Variants in CYFIP2 observed in about 807,000 individuals in gnomAD.
The protein encoded by CYFIP2 is cytoplasmic FMR1 interacting protein 2.
Under a neutral mutation model 158.7 loss-of-function variants are expected in CYFIP2, and 29 were observed. The ratio of observed to expected loss-of-function variants is 0.18; its 90% CI spans 0.14 to 0.25. The LOEUF (loss-of-function observed/expected upper bound fraction) is 0.25. Among genes scored for constraint, CYFIP2 ranks in the 10% least tolerant of loss-of-function variants. CYFIP2 has a pLI of 1.00. For synonymous variants in CYFIP2, 585 were observed against 617.6 expected (o/e 0.95, Z 0.78); for missense variants, 852 against 1,639.5 (o/e 0.52, Z 8.29).
In CYFIP2 at chr5:157,377,427, G is replaced by A. The variant is rs116920077; in HGVS notation, c.3040-5163G>A. On this transcript the variant is annotated intron_variant, in intron 26 of 30. Transcript: ENST00000620254. ...ACACTCACCCCTGGTTCAACTTAGCGTCCTTCTTCAGAAAGTCTTCCCTAT... is the reference window on the plus strand; with the variant it reads ...ACACTCACCCCTGGTTCAACTTAGCATCCTTCTTCAGAAAGTCTTCCCTAT... Among the ~76,000 whole-genome samples the A allele has an allele frequency of 4.9e-4, 74 of 152,092 alleles. No homozygotes were observed. The East Asian group carries it at 0.013, about 27-fold the overall frequency.
chr5:157,270,092 G>A (rs192192616), intron 1 of CYFIP2, among the ~76,000 whole-genome samples: 50 of 152,338 alleles, frequency 3.3e-4, no homozygotes, highest in Admixed American at 2.9e-3. Context: ...TAGACTTTGG[G>A]CAACTCAGAT....
rs1767514276 is a variant in CYFIP2, at chr5:157,393,521, C to CA, written c.*522dup. ...CAGTGCCCCGGGTGTCATCTTCTCC[C>CA]ACTCTGGGTACCAGGGATTCTACCA... On this transcript the variant is annotated 3_prime_UTR_variant, in exon 31 of 31. Coordinates refer to ENST00000620254, the MANE Select transcript of CYFIP2 (RefSeq NM_001037333.3). 2 of 152,724 alleles carry CA rather than the reference C, an allele frequency of 1.3e-5. No individual in the cohort carries two copies. Among genetic ancestry groups the CA allele is most frequent in the African/African-American group, 2.4e-5 (1 of 41,464 alleles). 9.5% of individuals were successfully genotyped at this position (152,724 alleles called of 1,614,324 possible).
intron 13 of CYFIP2, among the ~76,000 whole-genome samples, chr5:157,316,317 CAT>C (rs1760143402): frequency 6.6e-6 from 1 of 151,856 alleles, no homozygotes; most frequent in Non-Finnish European, 1.5e-5. Flanking sequence ...CGTATATCAA[CAT>C]ATAAAAAATA....
intron 17 of CYFIP2, 72 bp from the exon 18 acceptor site, chr5:157,326,099 C>A: frequency 8.7e-7 from 1 of 1,146,808 alleles, no homozygotes; most frequent in Non-Finnish European, 1.3e-6. Context: ...TTCTATTTCC[C>A]AAGCAAGTAT....
intron 8 of CYFIP2, among the ~76,000 whole-genome samples, chr5:157,305,979 TTAGCCATTA>T (rs1170050872): frequency 6.6e-6 from 1 of 152,244 alleles, no homozygotes; most frequent in Non-Finnish European, 1.5e-5. Flanking sequence ...TAAGCCTTCC[TTAGCCATTA>T]TTCCATTGTT....
intron 23 of CYFIP2, chr5:157,343,642 C>T: frequency 1.1e-6 from 1 of 943,416 alleles, no homozygotes; most frequent in African/African-American, 1.7e-5. Context: ...GACGGGCACT[C>T]ATGTTGCCCT....
intron 1 of CYFIP2, among the ~76,000 whole-genome samples, chr5:157,283,548 C>T (rs189763622): frequency 2.0e-5 from 3 of 152,114 alleles, no homozygotes; most frequent in African/African-American, 7.2e-5. Context: ...GTGGAGAGGA[C>T]CTGAAACCAC....
In CYFIP2 at chr5:157,266,141, G is replaced by A. The variant is rs1298113557; in HGVS notation, c.-78G>A. On this transcript the variant is annotated 5_prime_UTR_variant, in exon 1 of 31. Transcript: ENST00000620254. This position sits in a 1 kb window ranked among gnomAD's most constrained non-coding sequence, Gnocchi z 4.2. ...GCGGGGCAGAGCATCCTGCGCCCCG[G>A]CGCGGGGCCCTGCGGTAGCCTCAGG... is the stretch of plus-strand genomic sequence containing the variant. 6.6e-6 allele frequency: 1 copy of A among 150,726 alleles called. No homozygotes were observed. The highest frequency in any genetic ancestry group is 1.5e-5 in the Non-Finnish European group (1 of 67,460). 9.3% of individuals were successfully genotyped at this position (150,726 alleles called of 1,614,324 possible).
intron 26 of CYFIP2, among the ~76,000 whole-genome samples, chr5:157,371,836 T>G (rs1765022378): frequency 1.3e-5 from 2 of 152,264 alleles, no homozygotes; most frequent in South Asian, 4.1e-4. Flanking sequence ...CCTAAAAACC[T>G]TTTTTGCTTT....
At chr5:157,323,019 A>G (rs1314856713) in intron 15 of CYFIP2, 3 of 1,535,900 alleles carry the variant, frequency 2.0e-6, no homozygotes, top group African/African-American at 2.7e-5. Context: ...GATCCCTGGT[A>G]TCACACCGCC....
chr5:157,359,264 C>A, intron 24 of CYFIP2, 116 bp downstream of exon 24: 1 of 1,132,994 alleles, frequency 8.8e-7, no homozygotes, highest in Non-Finnish European at 1.3e-6. Flanking sequence ...TGCAGCTCTA[C>A]CTGTAGAAAC....
intron 2 of CYFIP2, among the ~76,000 whole-genome samples, chr5:157,286,631 C>A (rs185189790): frequency 3.0e-4 from 46 of 151,152 alleles, no homozygotes; most frequent in Non-Finnish European, 6.2e-4. Flanking sequence ...TTGTTTTAAT[C>A]ACAAAAAACA....
At chr5:157,307,365 G>A (rs951442262) in intron 8 of CYFIP2, among the ~76,000 whole-genome samples, 2 of 152,304 alleles carry the variant, frequency 1.3e-5, no homozygotes, top group African/African-American at 2.4e-5. Flanking sequence ...TTCAGCTCCT[G>A]TCTCTGCTGC....
chr5:157,354,341 A>T (rs974256017), intron 23 of CYFIP2, among the ~76,000 whole-genome samples: 1 of 152,160 alleles, frequency 6.6e-6, no homozygotes, highest in Non-Finnish European at 1.5e-5. Flanking sequence ...ATCAGTTAGC[A>T]GAATTGGTTC....
intron 15 of CYFIP2, chr5:157,322,870 TTC>T: frequency 2.2e-6 from 3 of 1,366,974 alleles, no homozygotes; most frequent in Admixed American, 4.0e-5. Context: ...CTCTCTCTCT[TTC>T]TCTCTCTCCC....
intron 23 of CYFIP2, among the ~76,000 whole-genome samples, chr5:157,357,610 C>A (rs1033186995): frequency 6.6e-6 from 1 of 152,076 alleles, no homozygotes; most frequent in Non-Finnish European, 1.5e-5. Flanking sequence ...GGGAAGATCA[C>A]TTGAGGTCAG....
At chr5:157,278,498 C>G (rs984091864) in intron 1 of CYFIP2, among the ~76,000 whole-genome samples, 3 of 152,084 alleles carry the variant, frequency 2.0e-5, no homozygotes, top group African/African-American at 7.2e-5. Flanking sequence ...CTGTTTCTAC[C>G]CTACCTCTGC....
chr5:157,285,600 T>C lies in CYFIP2; in HGVS notation c.117+122T>C, dbSNP rs940319794. 7.4e-6 allele frequency: 6 copies of C among 808,570 alleles called. No individual in the cohort carries two copies. The East Asian group carries it at 1.6e-4, about 22-fold the overall frequency. 50.1% of individuals were successfully genotyped at this position (808,570 alleles called of 1,614,324 possible). A position where few individuals can be genotyped will look rare whatever the true frequency, so the allele number is the denominator to read the frequency against. On this transcript the variant is annotated intron_variant, in intron 2 of 30. Coordinates refer to ENST00000620254, the MANE Select transcript of CYFIP2 (RefSeq NM_001037333.3). ...TAGAAGGTGAAAGGTTGTGAGCTGA[T>C]GGAGTCCCTTGTGCGCTGGTAGAGC...
chr5:157,288,505 A>T, intron 3 of CYFIP2: 1 of 433,776 alleles, frequency 2.3e-6, no homozygotes, highest in South Asian at 1.7e-5. Flanking sequence ...AGGACTGTGT[A>T]AATGCTGGAG....
Sources: allele counts gnomAD v4.1 joint callset (sites outside exome capture counted in the v4.1 genomes callset), GRCh38; gene constraint gnomAD v4.1.1; non-coding constraint Gnocchi (gnomAD v3.1); transcripts MANE v1.5; gene names NCBI Gene and HGNC (gene_info 2026-07-23, HGNC 2026-07-21).